TCF7L2: variants seen among roughly 807,000 people sequenced by gnomAD.
TCF7L2 encodes the protein transcription factor 7 like 2.
In TCF7L2, 23 loss-of-function variants were observed where a neutral mutation model predicts 77.9. The ratio of observed to expected loss-of-function variants is 0.30; its 90% CI spans 0.21 to 0.42. TCF7L2 has a LOEUF of 0.42. Ranked by LOEUF, TCF7L2 falls within the 10% of genes least tolerant of loss-of-function variation. The pLI, the probability that TCF7L2 is intolerant of heterozygous loss-of-function variation, is 1.00. For synonymous variants in TCF7L2, 413 were observed against 340.2 expected (o/e 1.21, Z -2.36); for missense variants, 654 against 793.1 (o/e 0.82, Z 2.11).
intron 5 of TCF7L2, among the ~76,000 whole-genome samples, chr10:113,121,302 G>A (rs2064732122): frequency 6.6e-6 from 1 of 152,192 alleles, no homozygotes; most frequent in Admixed American, 6.5e-5. Flanking sequence ...TCTGTGAGGA[G>A]CAAAGCAGGT....
At chr10:112,988,136 T>G (rs890977753) in intron 4 of TCF7L2, among the ~76,000 whole-genome samples, 1 of 151,146 alleles carries the variant, frequency 6.6e-6, no homozygotes, top group African/African-American at 2.4e-5. Flanking sequence ...AGTCTTGCTC[T>G]TGTTGCCCAG....
chr10:112,974,167 T>G (rs183834959), intron 4 of TCF7L2, among the ~76,000 whole-genome samples: 1 of 152,336 alleles, frequency 6.6e-6, no homozygotes, highest in Non-Finnish European at 1.5e-5. Flanking sequence ...AGTTTTACCG[T>G]TTTTACTTAT....
chr10:113,108,025 G>C (rs1261597574), intron 5 of TCF7L2, among the ~76,000 whole-genome samples: 2 of 151,524 alleles, frequency 1.3e-5, no homozygotes, highest in Non-Finnish European at 2.9e-5. Context: ...GTATAATTTA[G>C]GGTCTGTCGG....
At position 113,019,200 on chromosome 10, in the gene TCF7L2, G is replaced by A. The variant is rs115867375; in HGVS notation, c.451-20825G>A. ...CTTGAGATGTCAAAGAAACATGTTG[G>A]ACACACCATGGTGACAGAGCAGGAG... On this transcript the variant is annotated intron_variant, in intron 4 of 13. Coordinates refer to ENST00000627217, the MANE Select transcript of TCF7L2 (RefSeq NM_001146274.2). Among the ~76,000 whole-genome samples, 696 of 152,306 alleles carry A rather than the reference G, an allele frequency of 4.6e-3. 4 individuals carry two copies. The highest frequency in any genetic ancestry group is 0.015 in the African/African-American group (631 of 41,558).
At chr10:112,965,629 ATGTGTGTGTGTGTGTGTGTG>A (rs59587175) in intron 4 of TCF7L2, among the ~76,000 whole-genome samples, 8 of 137,212 alleles carry the variant, frequency 5.8e-5, no homozygotes, top group East Asian at 3.7e-4. Context: ...GTGTGTGTAT[ATGTGTGTGTGTGTGTGTGTG>A]TGTGTGTGTG....
intron 5 of TCF7L2, among the ~76,000 whole-genome samples, chr10:113,119,767 G>A (rs1022846750): frequency 5.3e-5 from 8 of 151,996 alleles, no homozygotes; most frequent in African/African-American, 1.7e-4. Flanking sequence ...TATAATTATG[G>A]ATTGGATTAG....
Position 113,158,113 on chromosome 10 carries a change from G to A in TCF7L2, c.1318+44G>A, listed in dbSNP as rs748547778. ...GTTAGAGGAAGGAGCTGTAGCCTGAGGACCACCCTTTTATGTTAGGTTTCC... is the reference window on the plus strand; with the variant it reads ...GTTAGAGGAAGGAGCTGTAGCCTGAAGACCACCCTTTTATGTTAGGTTTCC... On this transcript the variant is annotated intron_variant, in intron 12 of 13. Coordinates refer to ENST00000627217, the MANE Select transcript of TCF7L2 (RefSeq NM_001146274.2). 8 of 1,562,294 alleles carry A rather than the reference G, an allele frequency of 5.1e-6. No individual in the cohort carries two copies. The South Asian group carries it at 9.4e-5, about 18-fold the overall frequency.
chr10:113,004,203 T>TG (rs1277197947), intron 4 of TCF7L2, among the ~76,000 whole-genome samples: 1 of 152,104 alleles, frequency 6.6e-6, no homozygotes, highest in Non-Finnish European at 1.5e-5. Flanking sequence ...TAGTGCTGTT[T>TG]GGGGCAGGAA....
intron 4 of TCF7L2, among the ~76,000 whole-genome samples, chr10:112,965,311 T>G (rs1461246356): frequency 6.6e-6 from 1 of 152,176 alleles, no homozygotes; most frequent in African/African-American, 2.4e-5. Flanking sequence ...CATGGACTAA[T>G]ATAGACTCGG....
chr10:113,056,476 G>T (rs547127644), intron 5 of TCF7L2, among the ~76,000 whole-genome samples: 2 of 152,226 alleles, frequency 1.3e-5, no homozygotes, highest in South Asian at 4.1e-4. Flanking sequence ...CGGTTCAAAA[G>T]GAAGAATTCC....
At chr10:112,993,171 A>T (rs2042885351) in intron 4 of TCF7L2, among the ~76,000 whole-genome samples, 1 of 152,182 alleles carries the variant, frequency 6.6e-6, no homozygotes. Context: ...TTTGTGAATC[A>T]GAGTCTTCCA....
chr10:113,139,883 C>T (rs2068041081), intron 5 of TCF7L2, among the ~76,000 whole-genome samples: 1 of 151,406 alleles, frequency 6.6e-6, no homozygotes, highest in African/African-American at 2.4e-5. Context: ...TCCCTCAGCT[C>T]AACAGGCACT....
chr10:112,964,806 T>G (rs1589748588), intron 4 of TCF7L2, among the ~76,000 whole-genome samples, 182 bp downstream of exon 4: 4 of 34,594 alleles, frequency 1.2e-4, no homozygotes, highest in Admixed American at 3.7e-4. Flanking sequence ...GTGGTGGTGG[T>G]GGTGGTGGGG....
intron 13 of TCF7L2, among the ~76,000 whole-genome samples, chr10:113,164,055 G>T (rs1330263496): frequency 6.6e-6 from 1 of 152,226 alleles, no homozygotes; most frequent in Non-Finnish European, 1.5e-5. Flanking sequence ...TCCAGTTGGA[G>T]TGTTATCAGC....
chr10:113,023,251 C>A (rs1396108232), intron 4 of TCF7L2, among the ~76,000 whole-genome samples: 1 of 152,104 alleles, frequency 6.6e-6, no homozygotes, highest in East Asian at 1.9e-4. Context: ...CTCAGGAAGA[C>A]CTTTTGGTTG....
chr10:113,058,686 G>A (rs1171804574), intron 5 of TCF7L2, among the ~76,000 whole-genome samples: 2 of 151,954 alleles, frequency 1.3e-5, no homozygotes, highest in Non-Finnish European at 2.9e-5. Context: ...CAGGTTTTGG[G>A]TCGTGAGCTG....
chr10:113,015,028 A>T (rs1298005625), intron 4 of TCF7L2, among the ~76,000 whole-genome samples: 1 of 152,116 alleles, frequency 6.6e-6, no homozygotes, highest in Non-Finnish European at 1.5e-5. Flanking sequence ...TCTACTAAAA[A>T]TACAAAAATT....
chr10:113,103,975 C>T (rs933922931), intron 5 of TCF7L2, among the ~76,000 whole-genome samples: 2 of 152,208 alleles, frequency 1.3e-5, no homozygotes, highest in African/African-American at 4.8e-5. Context: ...ATCAAAGCTA[C>T]GCCCCCACTT....
intron 4 of TCF7L2, among the ~76,000 whole-genome samples, chr10:113,002,674 G>A (rs928707965): frequency 6.6e-6 from 1 of 152,180 alleles, no homozygotes; most frequent in African/African-American, 2.4e-5. Flanking sequence ...ATTCAGGCAA[G>A]ATGGAAAATA....
Sources: allele counts gnomAD v4.1 joint callset (sites outside exome capture counted in the v4.1 genomes callset), GRCh38; gene constraint gnomAD v4.1.1; transcripts MANE v1.5; gene names NCBI Gene and HGNC (gene_info 2026-07-23, HGNC 2026-07-21).